STRN: variants seen among roughly 807,000 people sequenced by gnomAD.
The protein encoded by STRN is protein phosphatase 2 regulatory subunit B'''alpha.
STRN carries 53 observed loss-of-function variants against 96.3 expected under a neutral mutation model. That is an observed-to-expected ratio of 0.55 (90% confidence interval 0.44 to 0.69). The LOEUF is 0.69. Ranked by LOEUF, STRN falls within the 30% of genes least tolerant of loss-of-function variation. The pLI, the probability that STRN is intolerant of heterozygous loss-of-function variation, is 0.00. For missense variants in STRN, 987 were observed against 963.9 expected, an observed-to-expected ratio of 1.02 and a Z score of -0.32; for synonymous variants, 428 against 355.9, an observed-to-expected ratio of 1.20 and a Z score of -2.28.
chr2:36,879,742 A>C (rs950306874), intron 9 of STRN, among the ~76,000 whole-genome samples: 1 of 152,196 alleles, frequency 6.6e-6, no homozygotes, highest in Non-Finnish European at 1.5e-5. Flanking sequence ...TAATTTTCTT[A>C]AAAGAAACAA....
At chr2:36,933,054 T>A (rs192244573) in intron 1 of STRN, among the ~76,000 whole-genome samples, 1,466 of 134,994 alleles carry the variant, frequency 0.011, 13 homozygotes, top group South Asian at 0.015. Flanking sequence ...CATTTTTTTT[T>A]AATTTACACA....
At chr2:36,864,148 T>C (rs1668563496) in intron 12 of STRN, among the ~76,000 whole-genome samples, 1 of 152,194 alleles carries the variant, frequency 6.6e-6, no homozygotes, top group African/African-American at 2.4e-5. Context: ...TGCCTTTTCT[T>C]TTCCTTGCCT....
At chr2:36,937,354 A>AAAAG (rs759297914) in intron 1 of STRN, among the ~76,000 whole-genome samples, 412 of 150,400 alleles carry the variant, frequency 2.7e-3, no homozygotes, top group Non-Finnish European at 4.2e-3. Flanking sequence ...AAAAAAAAAA[A>AAAAG]AAAAGAAAAG....
chr2:36,890,159 G>C (rs1669350049), intron 7 of STRN, among the ~76,000 whole-genome samples: 1 of 152,144 alleles, frequency 6.6e-6, no homozygotes, highest in African/African-American at 2.4e-5. Context: ...CCTAAAATAT[G>C]AGTAACTTGA....
chr2:36,963,700 G>C (rs187075027), intron 1 of STRN, among the ~76,000 whole-genome samples: 7 of 152,300 alleles, frequency 4.6e-5, no homozygotes, highest in Admixed American at 3.9e-4. Context: ...GCTCACGCCT[G>C]TAATACCAGC....
At chr2:36,901,124 A>G (rs991600264) in intron 5 of STRN, among the ~76,000 whole-genome samples, 1 of 152,118 alleles carries the variant, frequency 6.6e-6, no homozygotes, top group Non-Finnish European at 1.5e-5. Flanking sequence ...CTTTATCCCT[A>G]CTGAAATCGG....
chr2:36,871,562 T>C (rs767464806), intron 10 of STRN, among the ~76,000 whole-genome samples: 1 of 152,216 alleles, frequency 6.6e-6, no homozygotes, highest in Non-Finnish European at 1.5e-5. Context: ...AAGCAATGTA[T>C]GACTGTACTG....
chr2:36,950,475 C>CA (rs915361972), intron 1 of STRN, among the ~76,000 whole-genome samples: 2 of 152,120 alleles, frequency 1.3e-5, no homozygotes, highest in Non-Finnish European at 2.9e-5. Flanking sequence ...CTTGGCCTCC[C>CA]AAAGTGCTAG....
At chr2:36,864,993 G>A (rs1230358499) in intron 12 of STRN, among the ~76,000 whole-genome samples, 1 of 152,226 alleles carries the variant, frequency 6.6e-6, no homozygotes, top group African/African-American at 2.4e-5. Context: ...GGGATTACAG[G>A]CGTGAGCCAC....
chr2:36,951,528 G>T (rs1664752255), intron 1 of STRN, among the ~76,000 whole-genome samples: 1 of 152,122 alleles, frequency 6.6e-6, no homozygotes. Flanking sequence ...TGACAAACAT[G>T]GTAAATATCA....
intron 9 of STRN, among the ~76,000 whole-genome samples, chr2:36,879,131 C>T (rs1669000529): frequency 6.6e-6 from 1 of 150,414 alleles, no homozygotes; most frequent in Non-Finnish European, 1.5e-5. Flanking sequence ...AGTGCACTGG[C>T]ATGATCTCAG....
At chr2:36,892,747 G>GC (rs938603213) in intron 7 of STRN, among the ~76,000 whole-genome samples, 1 of 152,176 alleles carries the variant, frequency 6.6e-6, no homozygotes, top group African/African-American at 2.4e-5. Context: ...AAGGCTGGGA[G>GC]CAGTGGCTCA....
chr2:36,871,328 G>C (rs971217560), intron 10 of STRN, among the ~76,000 whole-genome samples: 1 of 152,086 alleles, frequency 6.6e-6, no homozygotes, highest in Non-Finnish European at 1.5e-5. Context: ...GTCCTATACA[G>C]GTGTACCATT....
At chr2:36,900,307 G>A (rs535133553) in intron 5 of STRN, among the ~76,000 whole-genome samples, 63 of 151,968 alleles carry the variant, frequency 4.1e-4, no homozygotes, top group Non-Finnish European at 6.6e-4. Flanking sequence ...TATCTCTACC[G>A]CCGTTTTTCT....
At chr2:36,872,254 C>T (rs1466071220) in intron 10 of STRN, among the ~76,000 whole-genome samples, 1 of 152,246 alleles carries the variant, frequency 6.6e-6, no homozygotes, top group East Asian at 1.9e-4. Context: ...TTCACATGCA[C>T]TCACACTGGG....
rs1034840108 is a variant in STRN, at chr2:36,839,361, G to C, written c.*10095C>G. 6.6e-6 allele frequency among the ~76,000 whole-genome samples: 1 copy of C among 152,094 alleles called. No individual in the cohort carries two copies. Among genetic ancestry groups the C allele is most frequent in the Non-Finnish European group, 1.5e-5 (1 of 68,016 alleles). ...TGACTGCCAGCAACTAGAACTGTGT[G>C]GCATATAGCTGGCACTCAAATATTA... On this transcript the variant is annotated 3_prime_UTR_variant, in exon 18 of 18. Transcript: ENST00000263918.
At chr2:36,870,270 C>T (rs1283611786) in intron 10 of STRN, among the ~76,000 whole-genome samples, 1 of 149,190 alleles carries the variant, frequency 6.7e-6, no homozygotes, top group Admixed American at 6.9e-5. Context: ...TGTTCTTTCC[C>T]TCCATGGTAA....
chr2:36,948,540 C>T (rs1664665475), intron 1 of STRN, among the ~76,000 whole-genome samples: 1 of 152,050 alleles, frequency 6.6e-6, no homozygotes, highest in South Asian at 2.1e-4. Context: ...ACAACATATA[C>T]CGTGATAGGT....
intron 6 of STRN, among the ~76,000 whole-genome samples, chr2:36,894,990 A>T (rs1187253325): frequency 6.6e-6 from 1 of 152,196 alleles, no homozygotes; most frequent in East Asian, 1.9e-4. Context: ...GTGGCATCAT[A>T]AACAACTCCT....
Sources: gnomAD v4.1 joint callset for allele counts (sites outside exome capture counted in the v4.1 genomes callset) on GRCh38, gnomAD v4.1.1 for gene constraint, MANE v1.5 for transcripts, NCBI Gene and HGNC (gene_info 2026-07-23, HGNC 2026-07-21) for gene names.